ALKAL1: variants seen among roughly 807,000 people sequenced by gnomAD.
The protein encoded by ALKAL1 is ALK and LTK ligand 1.
In ALKAL1, 23 loss-of-function variants were observed where a neutral mutation model predicts 13.5. The ratio of observed to expected loss-of-function variants is 1.70; its 90% CI spans 1.23 to 2.41. ALKAL1 has a LOEUF of 2.41. Ranked by LOEUF, ALKAL1 falls within the 30% of genes most tolerant of loss-of-function variation. The probability of loss-of-function intolerance (pLI) is 0.00; values close to 1 mark genes in which losing one functional copy is unlikely to be tolerated. For missense variants in ALKAL1, 181 were observed against 178.4 expected (o/e 1.01, Z -0.08); for synonymous variants, 85 against 77.7 (o/e 1.09, Z -0.49).
At chr8:52,562,047 G>A (rs1847556181) in intron 1 of ALKAL1, among the ~76,000 whole-genome samples, 2 of 152,184 alleles carry the variant, frequency 1.3e-5, no homozygotes, top group Non-Finnish European at 2.9e-5. Context: ...TTCAGTGGGT[G>A]AGTGCTCTGA....
At chr8:52,543,355 G>A (rs1474896725) in intron 1 of ALKAL1, among the ~76,000 whole-genome samples, 1 of 152,190 alleles carries the variant, frequency 6.6e-6, no homozygotes, top group Admixed American at 6.5e-5. Context: ...GTGTGACTTC[G>A]CCAGCACAAG....
chr8:52,555,494 G>A (rs573283309), intron 1 of ALKAL1, among the ~76,000 whole-genome samples: 1 of 152,218 alleles, frequency 6.6e-6, no homozygotes, highest in East Asian at 1.9e-4. Context: ...GCTGAGATAG[G>A]CAGCAGATAA....
chr8:52,538,578 G>T, intron 3 of ALKAL1, 71 bp from the exon 4 acceptor site: 1 of 970,472 alleles, frequency 1.0e-6, no homozygotes, highest in Non-Finnish European at 1.6e-6. Flanking sequence ...TGTTATTATT[G>T]TCACTAATTC....
In ALKAL1 at chr8:52,534,444, C is replaced by T; in HGVS notation, c.*169G>A. The T allele has an allele frequency of 2.4e-6, 1 of 418,790 alleles. No homozygotes were observed. The highest frequency in any genetic ancestry group is 4.2e-6 in the Non-Finnish European group (1 of 239,128). The allele number at this position is 418,790 out of a possible 1,614,324, so 25.9% of individuals were successfully genotyped here. ...ACAAAAAGATAAAGCAAGAAAGACT[C>T]CATTCTATGACAGGAAACAGCTAAC... On this transcript the variant is annotated 3_prime_UTR_variant, in exon 5 of 5. Coordinates refer to ENST00000358543, the MANE Select transcript of ALKAL1 (RefSeq NM_207413.4).
Position 52,548,678 on chromosome 8 carries a change from A to T in ALKAL1, c.191-6233T>A, listed in dbSNP as rs149924297. ...GTGATATATAATTACAATTATATAA[A>T]AGATTACATTATTTGGGAGGGTTAA... On this transcript the variant is annotated intron_variant, in intron 1 of 4. Transcript: ENST00000358543. Among the ~76,000 whole-genome samples the T allele has an allele frequency of 5.9e-4, 90 of 152,296 alleles. 1 individual carries two copies. In the East Asian group the frequency reaches 0.016, roughly 27 times the overall value.
chr8:52,554,195 G>A (rs1374802028), intron 1 of ALKAL1, among the ~76,000 whole-genome samples: 3 of 152,202 alleles, frequency 2.0e-5, no homozygotes, highest in Non-Finnish European at 4.4e-5. Flanking sequence ...TTGCACTCCA[G>A]CCTGGGCAAC....
At position 52,550,064 on chromosome 8, in the gene ALKAL1, G is replaced by A. The variant is rs147038333; in HGVS notation, c.191-7619C>T. ...CATCTGTACCAGTATATACTTGTAAGTGTATAAATATTTGTAAATACATGT... is the reference window on the plus strand; with the variant it reads ...CATCTGTACCAGTATATACTTGTAAATGTATAAATATTTGTAAATACATGT... On this transcript the variant is annotated intron_variant, in intron 1 of 4. Transcript: ENST00000358543. 6.0e-3 allele frequency among the ~76,000 whole-genome samples: 906 copies of A among 152,254 alleles called. 9 individuals are homozygous for A. The highest frequency in any genetic ancestry group is 0.021 in the African/African-American group (854 of 41,556).
rs1847324563 is a variant in ALKAL1, at chr8:52,542,516, C to G, written c.191-71G>C. On this transcript the variant is annotated intron_variant, in intron 1 of 4. Transcript: ENST00000358543. ...CCCATTTAAAAATATCCTTAATATG[C>G]TAATTACTTAATAAGGCACTAAACA... 4 of 933,666 alleles carry G rather than the reference C, an allele frequency of 4.3e-6. No homozygotes were observed. The South Asian group carries it at 6.0e-5, about 14-fold the overall frequency. The allele number at this position is 933,666 out of a possible 1,614,324, so 57.8% of individuals were successfully genotyped here. A position where few individuals can be genotyped will look rare whatever the true frequency, so the allele number is the denominator to read the frequency against.
At chr8:52,547,522 T>A (rs917949899) in intron 1 of ALKAL1, among the ~76,000 whole-genome samples, 1 of 151,750 alleles carries the variant, frequency 6.6e-6, no homozygotes, top group African/African-American at 2.4e-5. Flanking sequence ...TAAATAAATA[T>A]AAATAACTAA....
chr8:52,549,902 A>C (rs1191743637), intron 1 of ALKAL1, among the ~76,000 whole-genome samples: 1 of 152,186 alleles, frequency 6.6e-6, no homozygotes, highest in African/African-American at 2.4e-5. Context: ...AGGTCACGCC[A>C]CTGCACTCCA....
At chr8:52,535,145 T>G (rs375764784) in intron 4 of ALKAL1, among the ~76,000 whole-genome samples, 1 of 151,508 alleles carries the variant, frequency 6.6e-6, no homozygotes, top group Admixed American at 6.6e-5. Context: ...TTAGGTAAAT[T>G]TACTCATTTA....
intron 4 of ALKAL1, among the ~76,000 whole-genome samples, chr8:52,536,280 C>A (rs1184231540): frequency 6.6e-6 from 1 of 152,162 alleles, no homozygotes; most frequent in African/African-American, 2.4e-5. Flanking sequence ...ACCTGAGGAA[C>A]CCGTTTCCTT....
At chr8:52,556,641 T>C (rs13278218) in intron 1 of ALKAL1, among the ~76,000 whole-genome samples, 20,352 of 100,682 alleles carry the variant, frequency 0.2, 2,713 homozygotes, top group East Asian at 0.62. Flanking sequence ...AGCGAAACTC[T>C]GTCTCAAAAA....
rs1847259537 is a variant in ALKAL1 at position 52,535,633 on chromosome 8, TTAAG to T, written c.*13-1037_*13-1034del. 2.7e-5 allele frequency among the ~76,000 whole-genome samples: 4 copies of T among 150,396 alleles called. No homozygotes were observed. The South Asian group carries it at 8.4e-4, about 32-fold the overall frequency. Reference sequence around the variant, plus strand: ...GACAGGTAGATTGAGAGTAATTGAATTAAGTATCTTGCCACTAAAATAATCTAGT... The same window carrying T: ...GACAGGTAGATTGAGAGTAATTGAATTATCTTGCCACTAAAATAATCTAGT... On this transcript the variant is annotated intron_variant, in intron 4 of 4. Transcript: ENST00000358543.
intron 1 of ALKAL1, among the ~76,000 whole-genome samples, chr8:52,547,550 C>A (rs949359491): frequency 1.3e-5 from 2 of 151,930 alleles, no homozygotes; most frequent in African/African-American, 4.8e-5. Flanking sequence ...GAAAACTCCC[C>A]GCAAACAATG....
At chr8:52,544,044 G>A (rs193086798) in intron 1 of ALKAL1, among the ~76,000 whole-genome samples, 53 of 152,086 alleles carry the variant, frequency 3.5e-4, no homozygotes, top group African/African-American at 2.7e-4. Context: ...ATGGGGCACC[G>A]TGTGTGTCTG....
At chr8:52,558,301 T>C (rs1323043668) in intron 1 of ALKAL1, among the ~76,000 whole-genome samples, 2 of 140,942 alleles carry the variant, frequency 1.4e-5, no homozygotes, top group Non-Finnish European at 3.0e-5. Flanking sequence ...TGAGTTAAGA[T>C]TGCTCCACTG....
chr8:52,564,961 G>T, intron 1 of ALKAL1, 106 bp downstream of exon 1: 1 of 886,260 alleles, frequency 1.1e-6, no homozygotes, highest in Non-Finnish European at 1.5e-6. Flanking sequence ...GTTTTCTGCT[G>T]TACTAATCTC....
At chr8:52,540,532 C>T (rs1022536338) in intron 2 of ALKAL1, among the ~76,000 whole-genome samples, 1 of 151,868 alleles carries the variant, frequency 6.6e-6, no homozygotes, top group East Asian at 1.9e-4. Context: ...TCAAGAACAG[C>T]CTAAGCACCA....
Sources: allele counts gnomAD v4.1 joint callset (sites outside exome capture counted in the v4.1 genomes callset), GRCh38; gene constraint gnomAD v4.1.1; transcripts MANE v1.5; gene names NCBI Gene and HGNC (gene_info 2026-07-23, HGNC 2026-07-21).